NRBF2: variants seen among roughly 807,000 people sequenced by gnomAD.
The protein encoded by NRBF2 is nuclear receptor-binding factor 2.
Under a neutral mutation model 28.5 loss-of-function variants are expected in NRBF2, and 12 were observed. That is an observed-to-expected ratio of 0.42 (90% CI 0.27 to 0.68). The LOEUF is 0.68. NRBF2 is among the 30% of genes least tolerant of loss of function. The probability of loss-of-function intolerance (pLI) is 0.24; values close to 1 mark genes in which losing one functional copy is unlikely to be tolerated. For synonymous variants in NRBF2, 102 were observed against 116.5 expected, an observed-to-expected ratio of 0.88 and a Z score of 0.80; for missense variants, 274 against 333.5, an observed-to-expected ratio of 0.82 and a Z score of 1.39.
chr10:63,151,544 T>A (rs1424104999), intron 2 of NRBF2, among the ~76,000 whole-genome samples: 4 of 152,172 alleles, frequency 2.6e-5, no homozygotes, highest in Admixed American at 2.0e-4. Context: ...AGATAATAAT[T>A]TTTACATTGG....
At chr10:63,151,503 T>C (rs1841649323) in intron 2 of NRBF2, among the ~76,000 whole-genome samples, 1 of 152,218 alleles carries the variant, frequency 6.6e-6, no homozygotes, top group Non-Finnish European at 1.5e-5. Context: ...GAACTTGACT[T>C]AAGTTTTCTA....
intron 1 of NRBF2, among the ~76,000 whole-genome samples, 179 bp from the exon 2 acceptor site, chr10:63,146,030 G>A (rs1238864408): frequency 6.6e-6 from 1 of 152,206 alleles, no homozygotes; most frequent in Non-Finnish European, 1.5e-5. Flanking sequence ...GTTCCTTTCA[G>A]ATGCTGCAGT....
chr10:63,133,396 G>C lies in NRBF2; in HGVS notation c.-75G>C, dbSNP rs1043093566. 4 of 1,581,614 alleles carry C rather than the reference G, an allele frequency of 2.5e-6. No individual in the cohort carries two copies. The Admixed American group carries it at 6.9e-5, about 27-fold the overall frequency. ...GCCGCAGTCTCCGCGGCTGCGTCGA[G>C]CTCCCTTGCAGTCCCCTCCATGTTC... On this transcript the variant is annotated 5_prime_UTR_variant, in exon 1 of 4. Coordinates refer to ENST00000277746, the MANE Select transcript of NRBF2 (RefSeq NM_030759.5).
In NRBF2 at chr10:63,133,347, C is replaced by G. The variant is rs959908362; in HGVS notation, c.-124C>G. Reference sequence around the variant, plus strand: ...GTTGTTGCTCCTTCAGCGCCTATCGCTGGCTCTTGGGGCGCAGAGAGGGGC... The same window carrying G: ...GTTGTTGCTCCTTCAGCGCCTATCGGTGGCTCTTGGGGCGCAGAGAGGGGC... On this transcript the variant is annotated 5_prime_UTR_variant, in exon 1 of 4. Transcript: ENST00000277746. 2 of 1,160,032 alleles carry G rather than the reference C, an allele frequency of 1.7e-6. No individual in the cohort carries two copies. Among genetic ancestry groups the G allele is most frequent in the Non-Finnish European group, 1.2e-6 (1 of 800,746 alleles). The allele number at this position is 1,160,032 out of a possible 1,614,324, so 71.9% of individuals were successfully genotyped here.
chr10:63,144,151 G>T (rs534166334), intron 1 of NRBF2, among the ~76,000 whole-genome samples: 3 of 152,148 alleles, frequency 2.0e-5, no homozygotes, highest in South Asian at 2.1e-4. Flanking sequence ...AAGTATATTC[G>T]CATGGTTGTG....
At chr10:63,148,146 A>AAT (rs564208597) in intron 2 of NRBF2, among the ~76,000 whole-genome samples, 5 of 152,204 alleles carry the variant, frequency 3.3e-5, no homozygotes, top group African/African-American at 1.2e-4. Flanking sequence ...GGATGTTATG[A>AAT]ATATATAAAG....
chr10:63,148,366 G>C (rs1020062894), intron 2 of NRBF2, among the ~76,000 whole-genome samples: 5 of 152,202 alleles, frequency 3.3e-5, no homozygotes, highest in African/African-American at 1.2e-4. Context: ...GTTGAAAGTT[G>C]ACGTGGTTGA....
chr10:63,145,458 C>T (rs149472343), intron 1 of NRBF2, among the ~76,000 whole-genome samples: 9,134 of 152,296 alleles, frequency 0.06, 421 homozygotes, highest in African/African-American at 0.13. Context: ...ATCCGCCTGC[C>T]TCAGCCTCCC....
intron 1 of NRBF2, among the ~76,000 whole-genome samples, chr10:63,141,446 A>T (rs1304299293): frequency 3.9e-5 from 6 of 152,214 alleles, no homozygotes; most frequent in Non-Finnish European, 8.8e-5. Flanking sequence ...AAAAGTAATT[A>T]AGATGAAAAT....
intron 1 of NRBF2, among the ~76,000 whole-genome samples, chr10:63,139,142 T>G (rs554732025): frequency 6.6e-6 from 1 of 152,312 alleles, no homozygotes; most frequent in East Asian, 1.9e-4. Context: ...TCCTTGTAGC[T>G]GGGACCACAG....
At chr10:63,138,463 G>A (rs559013394) in intron 1 of NRBF2, among the ~76,000 whole-genome samples, 4 of 149,966 alleles carry the variant, frequency 2.7e-5, no homozygotes, top group Non-Finnish European at 4.4e-5. Flanking sequence ...CAGCCTGAGC[G>A]ACTGAGCGAG....
intron 1 of NRBF2, among the ~76,000 whole-genome samples, chr10:63,135,740 T>C (rs1841365742): frequency 1.3e-5 from 2 of 150,550 alleles, no homozygotes; most frequent in Admixed American, 1.3e-4. Context: ...TCCGACTCCC[T>C]GGTTTAAGCG....
In NRBF2 at chr10:63,152,108, A is replaced by C; in HGVS notation, c.116-42A>C. The C allele has an allele frequency of 2.7e-6, 4 of 1,487,072 alleles. No individual in the cohort carries two copies. In the Admixed American group the frequency reaches 5.1e-5, roughly 19 times the overall value. The allele number at this position is 1,487,072 out of a possible 1,614,324, so 92.1% of individuals were successfully genotyped here. A position where few individuals can be genotyped will look rare whatever the true frequency, so the allele number is the denominator to read the frequency against. On this transcript the variant is annotated intron_variant, in intron 2 of 3. Transcript: ENST00000277746. ...TCTTCCTTTTACCTGTTAATTACAAAATGAAGACACATATTAACATGCCTA... is the reference window on the plus strand; with the variant it reads ...TCTTCCTTTTACCTGTTAATTACAACATGAAGACACATATTAACATGCCTA...
chr10:63,139,933 C>G (rs1424510385), intron 1 of NRBF2, among the ~76,000 whole-genome samples: 2 of 151,440 alleles, frequency 1.3e-5, no homozygotes, highest in African/African-American at 4.9e-5. Context: ...CCCGGGAGTT[C>G]AAGACCAGCC....
At chr10:63,137,060 C>T (rs1403756655) in intron 1 of NRBF2, among the ~76,000 whole-genome samples, 1 of 152,166 alleles carries the variant, frequency 6.6e-6, no homozygotes, top group East Asian at 1.9e-4. Context: ...TACTCTGTTG[C>T]CCACACTCAA....
chr10:63,138,291 T>A (rs547336895), intron 1 of NRBF2, among the ~76,000 whole-genome samples: 1 of 147,158 alleles, frequency 6.8e-6, no homozygotes, highest in South Asian at 2.2e-4. Flanking sequence ...CCAGCCTGGG[T>A]GACAGAGTGA....
rs796964928 is a variant in NRBF2, at chr10:63,147,547, C to T, written c.115+1254C>T. Among the ~76,000 whole-genome samples, 3 of 151,420 alleles carry T rather than the reference C, an allele frequency of 2.0e-5. No individual in the cohort carries two copies. In the South Asian group the frequency reaches 6.2e-4, roughly 31 times the overall value. ...CAGGCTGGTCTCGAACTCCTGACCC[C>T]ATGATTGACCCGCCTTGGCCTCCCA... On this transcript the variant is annotated intron_variant, in intron 2 of 3. Transcript: ENST00000277746.
intron 2 of NRBF2, among the ~76,000 whole-genome samples, chr10:63,148,591 C>T (rs1323611235): frequency 6.6e-6 from 1 of 152,222 alleles, no homozygotes. Context: ...TGGGTGTCCA[C>T]CTGTCAAAGA....
rs185490588 is a variant in NRBF2 at position 63,149,704 on chromosome 10, G to A, written c.116-2446G>A. Among the ~76,000 whole-genome samples the A allele has an allele frequency of 5.8e-3, 878 of 152,220 alleles. 2 individuals carry two copies. Among genetic ancestry groups the A allele is most frequent in the Middle Eastern group, 0.017 (5 of 294 alleles). On this transcript the variant is annotated intron_variant, in intron 2 of 3. Coordinates refer to ENST00000277746, the MANE Select transcript of NRBF2 (RefSeq NM_030759.5). ...TTCTTGTTGAATTCTTTGTGCTTTG[G>A]GATATCCTTCTGTAACCTCCTTTGT... is the stretch of plus-strand genomic sequence containing the variant.
Sources: gnomAD v4.1 joint callset for allele counts (sites outside exome capture counted in the v4.1 genomes callset) on GRCh38, gnomAD v4.1.1 for gene constraint, MANE v1.5 for transcripts, NCBI Gene and HGNC (gene_info 2026-07-23, HGNC 2026-07-21) for gene names.